The following KRIT1 variants were observed in gnomAD, a reference collection of about 807,000 sequenced individuals.
KRIT1 encodes the protein KRIT1 ankyrin repeat containing.
KRIT1 carries 45 observed loss-of-function variants against 95.8 expected under a neutral mutation model. The observed-to-expected ratio is 0.47, with a 90% confidence interval of 0.37 to 0.60. The LOEUF (loss-of-function observed/expected upper bound fraction) is 0.60, where lower values mean the gene tolerates loss of function less well. Ranked by LOEUF, KRIT1 falls within the 20% of genes least tolerant of loss-of-function variation. The probability of loss-of-function intolerance (pLI) is 0.00; values close to 1 mark genes in which losing one functional copy is unlikely to be tolerated. For synonymous variants in KRIT1, 282 were observed against 278.8 expected (o/e 1.01, Z -0.11); for missense variants, 788 against 877.5 (o/e 0.90, Z 1.29).
chr7:92,225,453 G>A (rs1263237337), intron 12 of KRIT1, among the ~76,000 whole-genome samples: 4 of 151,958 alleles, frequency 2.6e-5, no homozygotes, highest in African/African-American at 9.7e-5. Context: ...GACTACAGGT[G>A]CACGCCACCA....
chr7:92,234,400 AT>A, intron 10 of KRIT1, 48 bp downstream of exon 10: 1 of 1,367,570 alleles, frequency 7.3e-7, no homozygotes, highest in South Asian at 1.2e-5. Context: ...AACATTTATA[AT>A]AAAAAATGTA....
intron 10 of KRIT1, among the ~76,000 whole-genome samples, chr7:92,233,389 A>G (rs1035031406): frequency 1.3e-5 from 2 of 151,454 alleles, no homozygotes; most frequent in African/African-American, 4.8e-5. Flanking sequence ...ACATTTAACA[A>G]GGCAATAAAT....
chr7:92,245,653 G>A (rs1384071756), intron 1 of KRIT1, 137 bp downstream of exon 1: 1 of 152,530 alleles, frequency 6.6e-6, no homozygotes. Flanking sequence ...CCTCCTCCCA[G>A]GCACAGCAGC....
chr7:92,213,768 C>A, intron 16 of KRIT1, 124 bp downstream of exon 16: 1 of 691,866 alleles, frequency 1.4e-6, no homozygotes, highest in Non-Finnish European at 2.6e-6. Context: ...GCATTGTGAA[C>A]TAGAAGATAC....
In KRIT1 at chr7:92,199,737, C is replaced by G. The variant is rs2131065858; in HGVS notation, c.*999G>C. 6.6e-6 allele frequency: 1 copy of G among 152,176 alleles called. No individual in the cohort carries two copies. Among genetic ancestry groups the G allele is most frequent in the South Asian group, 2.1e-4 (1 of 4,808 alleles). The allele number at this position is 152,176 out of a possible 1,614,324, so 9.4% of individuals were successfully genotyped here. A position where few individuals can be genotyped will look rare whatever the true frequency, so the allele number is the denominator to read the frequency against. ...TAATAATCGAAATTCCTTATTGGGT[C>G]TGAAATTATTCTAACAGCAAAAAAG... On this transcript the variant is annotated 3_prime_UTR_variant, in exon 19 of 19. Transcript: ENST00000394505.
chr7:92,220,879 G>A (rs376405897), intron 14 of KRIT1, among the ~76,000 whole-genome samples: 7 of 150,794 alleles, frequency 4.6e-5, no homozygotes, highest in Admixed American at 1.3e-4. Flanking sequence ...TAGTAGAGAC[G>A]GGGTTTCACC....
intron 17 of KRIT1, among the ~76,000 whole-genome samples, chr7:92,212,812 C>T (rs1389123748): frequency 1.3e-5 from 2 of 152,116 alleles, no homozygotes; most frequent in Non-Finnish European, 2.9e-5. Context: ...TCTCTAAAGG[C>T]TTCAAGAAAT....
At chr7:92,233,947 C>T (rs1206965707) in intron 10 of KRIT1, among the ~76,000 whole-genome samples, 2 of 152,194 alleles carry the variant, frequency 1.3e-5, no homozygotes, top group Non-Finnish European at 2.9e-5. Flanking sequence ...CCTGTCCCAA[C>T]ACTAGTATCT....
rs1064821 is a variant in KRIT1 at position 92,244,935 on chromosome 7, G to C, written c.-184C>G. The C allele has an allele frequency of 6.6e-6, 1 of 152,172 alleles. No homozygotes were observed. The highest frequency in any genetic ancestry group is 1.5e-5 in the Non-Finnish European group (1 of 68,066). 9.4% of individuals were successfully genotyped at this position (152,172 alleles called of 1,614,324 possible). ...ACTGGAAAATATGGAGGGCATTTCT[G>C]GTTGTCACTATGACTGATGAGGGGA... On this transcript the variant is annotated 5_prime_UTR_variant, in exon 2 of 19. Transcript: ENST00000394505.
At chr7:92,208,930 T>G (rs1009106834) in intron 17 of KRIT1, among the ~76,000 whole-genome samples, 1 of 151,930 alleles carries the variant, frequency 6.6e-6, no homozygotes, top group African/African-American at 2.4e-5. Context: ...AAAACATAGA[T>G]GCAAAAATCA....
chr7:92,230,931 C>T (rs766665887), intron 10 of KRIT1, among the ~76,000 whole-genome samples: 2 of 152,184 alleles, frequency 1.3e-5, no homozygotes, highest in Admixed American at 6.5e-5. Context: ...AAGGGGAGGA[C>T]TAAAAGGCTG....
intron 6 of KRIT1, among the ~76,000 whole-genome samples, chr7:92,237,213 T>C (rs1798614501): frequency 6.6e-6 from 1 of 152,126 alleles, no homozygotes; most frequent in Non-Finnish European, 1.5e-5. Flanking sequence ...GAATAAAACA[T>C]TTTCACATTA....
intron 12 of KRIT1, 139 bp downstream of exon 12, chr7:92,225,581 C>T (rs1796046364): frequency 3.0e-6 from 2 of 662,868 alleles, no homozygotes; most frequent in African/African-American, 1.8e-5. Flanking sequence ...GTGTGAGCCA[C>T]CATACCTGGC....
rs1429043774 is a variant in KRIT1 at position 92,213,349 on chromosome 7, A to G, written c.1871T>C (p.Met624Thr). 1.2e-6 allele frequency: 2 copies of G among 1,613,622 alleles called. No homozygotes were observed. The highest frequency in any genetic ancestry group is 3.3e-5 in the Admixed American group (2 of 59,986). The change falls in exon 17 of 19, where the codon ATG (methionine) becomes ACG (threonine). Residue 624 changes from methionine to threonine, a missense_variant. By Grantham distance (81) the Met-to-Thr change is moderately conservative (BLOSUM62 -1). Around this residue, in one of 3 missense-constraint regions of KRIT1, gnomAD observed 493 missense variants for 582.3 expected, o/e 0.85. Coordinates refer to ENST00000394505, the MANE Select transcript of KRIT1 (RefSeq NM_194454.3). ...VSKEMHHLQR[M>T]FLQNCWEIPT... ...AATTTCCCAGCAATTCTGTAAGAAC[A>G]TGCGCTGAAGGTGATGCATTTCTTT...
At chr7:92,215,526 G>A (rs1793777897) in intron 14 of KRIT1, among the ~76,000 whole-genome samples, 1 of 152,214 alleles carries the variant, frequency 6.6e-6, no homozygotes. Context: ...CTGGAGTGCA[G>A]TGGCATGAAC....
chr7:92,207,589 G>A (rs1791848691), intron 17 of KRIT1, among the ~76,000 whole-genome samples: 1 of 152,186 alleles, frequency 6.6e-6, no homozygotes, highest in Admixed American at 6.5e-5. Context: ...AGGTGCAGTG[G>A]CTCACGCCTG....
chr7:92,199,214 T>C (rs1164628247), downstream of KRIT1: 12 of 152,234 alleles, frequency 7.9e-5, no homozygotes, highest in Non-Finnish European at 1.5e-4. Context: ...GTATTGTTCA[T>C]GTAGAATCAA....
intron 18 of KRIT1, 73 bp from the exon 19 acceptor site, chr7:92,200,877 C>T (rs1789985743): frequency 9.8e-7 from 1 of 1,021,872 alleles, no homozygotes; most frequent in African/African-American, 1.6e-5. Context: ...TGACATTGGG[C>T]AGTTCCCTAT....
chr7:92,216,851 AAC>A (rs1368608469), intron 14 of KRIT1, among the ~76,000 whole-genome samples: 8 of 152,202 alleles, frequency 5.3e-5, no homozygotes, highest in South Asian at 2.1e-4. Flanking sequence ...AGTAGATAAT[AAC>A]AGTTACAATT....
Sources: allele counts gnomAD v4.1 joint callset (sites outside exome capture counted in the v4.1 genomes callset), GRCh38; gene constraint gnomAD v4.1.1; regional missense constraint gnomAD v4.1.1; transcripts MANE v1.5; gene names NCBI Gene and HGNC (gene_info 2026-07-23, HGNC 2026-07-21).